Variants in TACC2 observed in about 807,000 individuals in gnomAD.
TACC2 encodes the protein transforming acidic coiled-coil containing protein 2, also known as transforming acidic coiled-coil-containing protein 2.
TACC2 carries 137 observed loss-of-function variants against 227.3 expected under a neutral mutation model. That is an observed-to-expected ratio of 0.60 (90% confidence interval 0.52 to 0.69). The LOEUF (loss-of-function observed/expected upper bound fraction) is 0.69, where lower values mean the gene tolerates loss of function less well. TACC2 is among the 30% of genes least tolerant of loss of function. The pLI is 0.00. For missense variants in TACC2, 3,470 were observed against 3,694.4 expected (o/e 0.94, Z 1.57); for synonymous variants, 1,523 against 1,487.5 (o/e 1.02, Z -0.55).
intron 1 of TACC2, among the ~76,000 whole-genome samples, chr10:121,999,000 ATTTC>A (rs1199649708): frequency 6.1e-5 from 9 of 148,666 alleles, no homozygotes; most frequent in South Asian, 2.1e-4. Context: ...TGGAGTGGCC[ATTTC>A]TTTCTTTCTT....
In TACC2 at chr10:122,200,343, C is replaced by T. The variant is rs541038800; in HGVS notation, c.5971+5167C>T. 1.0e-3 allele frequency among the ~76,000 whole-genome samples: 152 copies of T among 152,154 alleles called. 2 individuals are homozygous for T. Among genetic ancestry groups the T allele is most frequent in the African/African-American group, 3.6e-3 (149 of 41,444 alleles). ...GCCTGCATAGAGCCAGGTGAGGAGA[C>T]ATGAGAGGATGGCGACCTCACCTGC... is the stretch of plus-strand genomic sequence containing the variant. On this transcript the variant is annotated intron_variant, in intron 8 of 22. Coordinates refer to ENST00000369005, the MANE Select transcript of TACC2 (RefSeq NM_206862.4).
At chr10:122,018,840 C>T (rs192882716) in intron 1 of TACC2, among the ~76,000 whole-genome samples, 1 of 152,206 alleles carries the variant, frequency 6.6e-6, no homozygotes, top group African/African-American at 2.4e-5. Flanking sequence ...GCACTGAGCT[C>T]CCCCTCCTCA....
intron 4 of TACC2, 97 bp downstream of exon 4, chr10:122,088,056 T>G: frequency 7.6e-7 from 1 of 1,311,490 alleles, no homozygotes; most frequent in Non-Finnish European, 9.9e-7. Context: ...GTGAGTGGTT[T>G]TCTAAAAGCT....
At chr10:122,237,251 A>C (rs2095874431) in intron 16 of TACC2, 144 bp from the exon 17 acceptor site, 3 of 784,692 alleles carry the variant, frequency 3.8e-6, no homozygotes, top group Non-Finnish European at 5.8e-6. Flanking sequence ...TTCCCTGTTC[A>C]TCAGTCTTTG....
rs1447689928 is a variant in TACC2, at chr10:122,210,829, TA to T, written c.6410del (p.Lys2137ArgfsTer14). 6.2e-7 allele frequency: 1 copy of T among 1,611,284 alleles called. No homozygotes were observed. On this transcript the variant is annotated frameshift_variant, in exon 9 of 23. Coordinates refer to ENST00000369005, the MANE Select transcript of TACC2 (RefSeq NM_206862.4). LOFTEE classifies it high-confidence loss of function. This position sits in a 1 kb window ranked among gnomAD's most constrained non-coding sequence, Gnocchi z 4.6. ...KRTKKPRPPS[L>X]KKKQTTKKPT... Reference sequence around the variant, plus strand: ...ACTAAAAAACCGAGGCCGCCTTCCTTAAAAAAGAAACAGACCACCAAGAAAC... The same window carrying T: ...ACTAAAAAACCGAGGCCGCCTTCCTTAAAAAGAAACAGACCACCAAGAAAC...
At chr10:122,000,812 G>T in intron 1 of TACC2, among the ~76,000 whole-genome samples, 1 of 151,858 alleles carries the variant, frequency 6.6e-6, no homozygotes, top group Non-Finnish European at 1.5e-5. Context: ...GTTTTTTGTT[G>T]TTGTTTTGTT....
chr10:122,116,454 A>AT (rs1403372118), intron 5 of TACC2, among the ~76,000 whole-genome samples: 1 of 152,186 alleles, frequency 6.6e-6, no homozygotes, highest in Admixed American at 6.5e-5. Context: ...AAGATCCTAT[A>AT]TTGGAGTTCT....
chr10:122,246,281 T>G (rs2096116696), intron 19 of TACC2, among the ~76,000 whole-genome samples: 1 of 152,022 alleles, frequency 6.6e-6, no homozygotes, highest in Non-Finnish European at 1.5e-5. Flanking sequence ...GGAAATGAGG[T>G]GCTGGGACCC....
At chr10:122,044,721 T>A (rs2074769284) in intron 2 of TACC2, among the ~76,000 whole-genome samples, 1 of 151,892 alleles carries the variant, frequency 6.6e-6, no homozygotes, top group Non-Finnish European at 1.5e-5. Flanking sequence ...TTTAGCTCTT[T>A]ACAAAGTATA....
intron 3 of TACC2, among the ~76,000 whole-genome samples, chr10:122,061,032 A>G (rs1246315452): frequency 4.8e-5 from 7 of 145,140 alleles, no homozygotes; most frequent in African/African-American, 2.6e-5. Context: ...GGGGGGGGCC[A>G]GGCACGGTGG....
At chr10:122,144,118 T>A (rs2091061823) in intron 7 of TACC2, among the ~76,000 whole-genome samples, 1 of 152,092 alleles carries the variant, frequency 6.6e-6, no homozygotes, top group Admixed American at 6.5e-5. Flanking sequence ...AGGGAAGAGT[T>A]GTTGTAGCAG....
intron 7 of TACC2, among the ~76,000 whole-genome samples, chr10:122,156,317 G>A (rs191045497): frequency 3.1e-4 from 47 of 151,050 alleles, no homozygotes; most frequent in Admixed American, 1.2e-3. Context: ...TCCGCTTCCC[G>A]GGTTCACACC....
intron 5 of TACC2, among the ~76,000 whole-genome samples, chr10:122,118,610 G>A (rs1262060089): frequency 3.9e-5 from 6 of 152,190 alleles, no homozygotes; most frequent in Non-Finnish European, 8.8e-5. Flanking sequence ...TGGTTGCATT[G>A]CAGGGAGAGG....
At chr10:122,046,680 T>C (rs2075044687) in intron 2 of TACC2, among the ~76,000 whole-genome samples, 1 of 152,170 alleles carries the variant, frequency 6.6e-6, no homozygotes, top group Non-Finnish European at 1.5e-5. Context: ...TTATTCCATC[T>C]GTTGTTTGCA....
At position 122,075,238 on chromosome 10, in the gene TACC2, A is replaced by G. The variant is rs540470860; in HGVS notation, c.147-7409A>G. On this transcript the variant is annotated intron_variant, in intron 3 of 22. Transcript: ENST00000369005. Reference sequence around the variant, plus strand: ...AAAGAAAGTCAGCAGTATCATGGCAAGGTTAGGCTGCAGGATGCCAAAACC... The same window carrying G: ...AAAGAAAGTCAGCAGTATCATGGCAGGGTTAGGCTGCAGGATGCCAAAACC... Among the ~76,000 whole-genome samples, 18 of 151,652 alleles carry G rather than the reference A, an allele frequency of 1.2e-4. No individual in the cohort carries two copies. In the South Asian group the frequency reaches 3.1e-3, roughly 26 times the overall value.
chr10:122,006,415 C>T (rs1955146448), intron 1 of TACC2, among the ~76,000 whole-genome samples: 1 of 149,406 alleles, frequency 6.7e-6, no homozygotes, highest in South Asian at 2.1e-4. Context: ...CGCCACTGCA[C>T]TTCAGCCTGG....
chr10:122,093,206 C>T (rs1318767999), intron 5 of TACC2, among the ~76,000 whole-genome samples: 2 of 151,522 alleles, frequency 1.3e-5, no homozygotes, highest in Non-Finnish European at 2.9e-5. Flanking sequence ...TTGTGTAAAC[C>T]TAGGCTGAAT....
At chr10:122,249,284 C>T (rs572336146) in intron 21 of TACC2, 128 bp downstream of exon 21, 1 of 753,714 alleles carries the variant, frequency 1.3e-6, no homozygotes, top group Admixed American at 2.4e-5. Context: ...GTGTGTGTTT[C>T]AATAAGACTC....
In TACC2 at chr10:122,086,988, G is replaced by A. The variant is rs1164787944; in HGVS notation, c.4488G>A (p.Lys1496=). The A allele has an allele frequency of 2.5e-6, 4 of 1,613,968 alleles. No individual in the cohort carries two copies. The highest frequency in any genetic ancestry group is 1.3e-5 in the African/African-American group (1 of 75,070). ...HLALQDPASD[K]LLGPAGLTWE... Reference sequence around the variant, plus strand: ...CTCTGCAAGATCCAGCTTCAGACAAGCTTCTGGGTCCAGCAGGGCTGACCT... The same window carrying A: ...CTCTGCAAGATCCAGCTTCAGACAAACTTCTGGGTCCAGCAGGGCTGACCT... Residue 1496 remains lysine (K), a synonymous_variant, in exon 4 of 23, where the codon AAG becomes AAA. Coordinates refer to ENST00000369005, the MANE Select transcript of TACC2 (RefSeq NM_206862.4).
Sources: gnomAD v4.1 joint callset for allele counts (sites outside exome capture counted in the v4.1 genomes callset) on GRCh38, gnomAD v4.1.1 for gene constraint, Gnocchi (gnomAD v3.1) non-coding constraint, MANE v1.5 for transcripts, NCBI Gene and HGNC (gene_info 2026-07-23, HGNC 2026-07-21) for gene names.